The following RABGAP1L variants were observed in gnomAD, a reference collection of about 807,000 sequenced individuals.
The protein encoded by RABGAP1L is RAB GTPase activating protein 1 like.
A neutral mutation model predicts 137.7 loss-of-function variants in RABGAP1L; 63 were observed. The ratio of observed to expected loss-of-function variants is 0.46; its 90% CI spans 0.37 to 0.56. The LOEUF (loss-of-function observed/expected upper bound fraction) is 0.56. Among genes scored for constraint, RABGAP1L ranks in the 20% least tolerant of loss-of-function variants. RABGAP1L has a pLI of 0.00. For missense variants in RABGAP1L, 1,095 were observed against 1,244.0 expected (o/e 0.88, Z 1.80); for synonymous variants, 431 against 433.7 (o/e 0.99, Z 0.08).
intron 13 of RABGAP1L, among the ~76,000 whole-genome samples, chr1:174,419,372 A>G (rs1286954664): frequency 6.6e-6 from 1 of 152,224 alleles, no homozygotes; most frequent in East Asian, 1.9e-4. Context: ...CCAAGGGTCT[A>G]GATCATAGAC....
Position 174,830,990 on chromosome 1 carries a change from G to T in RABGAP1L, c.2340+19030G>T, listed in dbSNP as rs1241459914. Among the ~76,000 whole-genome samples the T allele has an allele frequency of 1.4e-5, 2 of 147,644 alleles. 1 individual carries two copies. The highest frequency in any genetic ancestry group is 4.2e-4 in the East Asian group (2 of 4,764). On this transcript the variant is annotated intron_variant, in intron 19 of 25. Transcript: ENST00000681986. ...GGTGGGTTTCCAGAGTTCGGAGGAG[G>T]CTCAGAATTGTTTCAGTTGTCTACC...
chr1:174,371,540 A>G (rs1571461037), intron 12 of RABGAP1L, among the ~76,000 whole-genome samples: 3 of 152,106 alleles, frequency 2.0e-5, no homozygotes, highest in Admixed American at 1.3e-4. Flanking sequence ...TAAAAGTATT[A>G]CTTTAAATTT....
intron 13 of RABGAP1L, among the ~76,000 whole-genome samples, chr1:174,518,175 C>T (rs927052045): frequency 2.0e-5 from 3 of 152,178 alleles, no homozygotes; most frequent in African/African-American, 7.2e-5. Context: ...TTTAAGTTGT[C>T]TGGGACAAGG....
intron 7 of RABGAP1L, among the ~76,000 whole-genome samples, chr1:174,260,164 G>A (rs1040273289): frequency 6.6e-6 from 1 of 152,030 alleles, no homozygotes; most frequent in Admixed American, 6.6e-5. Flanking sequence ...ATGAAACAGA[G>A]GTTTAATCAG....
chr1:174,509,417 C>G (rs12090963), intron 13 of RABGAP1L, among the ~76,000 whole-genome samples: 21 of 151,976 alleles, frequency 1.4e-4, no homozygotes, highest in African/African-American at 4.3e-4. Flanking sequence ...TTCTTTCTTC[C>G]TTCTTCCTCA....
At chr1:174,471,046 A>C (rs1273523209) in intron 13 of RABGAP1L, among the ~76,000 whole-genome samples, 9 of 151,158 alleles carry the variant, frequency 6.0e-5, no homozygotes, top group Admixed American at 5.3e-4. Context: ...GGAAAAAAAA[A>C]CACACTTTGA....
At chr1:174,199,350 G>A (rs1445751446) in intron 1 of RABGAP1L, among the ~76,000 whole-genome samples, 1 of 151,960 alleles carries the variant, frequency 6.6e-6, no homozygotes, top group Admixed American at 6.5e-5. Context: ...GAAGTGCAGT[G>A]GTGTGGTCTT....
intron 3 of RABGAP1L, among the ~76,000 whole-genome samples, chr1:174,224,519 T>C (rs1206709190): frequency 1.3e-5 from 2 of 152,178 alleles, no homozygotes; most frequent in African/African-American, 4.8e-5. Flanking sequence ...GTTATCTATT[T>C]CTTCTTGAGT....
intron 10 of RABGAP1L, among the ~76,000 whole-genome samples, chr1:174,288,875 A>G (rs1022699181): frequency 1.3e-5 from 2 of 152,076 alleles, no homozygotes; most frequent in Non-Finnish European, 2.9e-5. Context: ...GGTATCCTGT[A>G]GACTTTCTTC....
chr1:174,784,938 A>G (rs769017772), intron 18 of RABGAP1L, among the ~76,000 whole-genome samples: 4 of 152,234 alleles, frequency 2.6e-5, no homozygotes, highest in Non-Finnish European at 2.9e-5. Flanking sequence ...AAGATGGCAT[A>G]TTTTAAATAG....
At chr1:174,307,548 C>G (rs58163532) in intron 11 of RABGAP1L, among the ~76,000 whole-genome samples, 1 of 152,158 alleles carries the variant, frequency 6.6e-6, no homozygotes, top group African/African-American at 2.4e-5. Flanking sequence ...TAAATGGAAT[C>G]ATACAAAATG....
Position 174,305,114 on chromosome 1 carries a change from T to A in RABGAP1L, c.1452T>A (p.Asp484Glu). 2.0e-6 allele frequency: 3 copies of A among 1,535,658 alleles called. No homozygotes were observed. Among genetic ancestry groups the A allele is most frequent in the East Asian group, 5.1e-5 (2 of 38,966 alleles). Residue 484 changes from aspartate (D) to glutamate (E), a missense_variant, in exon 11 of 26, where the codon GAT (aspartate) becomes GAA (glutamate). Physicochemically the swap from Asp to Glu is conservative, Grantham distance 45. Coordinates refer to ENST00000681986, the MANE Select transcript of RABGAP1L (RefSeq NM_001366446.1). ...GGGGTCCAATGTCACCCCAGGATGA[T>A]GAAGCAGAAGAGGGTAAGAAGTTGG... ...SGGGPMSPQD[D>E]EAEEESDNEL... is the part of the protein sequence containing the mutation.
chr1:174,348,742 A>G (rs1353568295), intron 11 of RABGAP1L, among the ~76,000 whole-genome samples: 9 of 149,404 alleles, frequency 6.0e-5, no homozygotes, highest in Admixed American at 2.7e-4. Flanking sequence ...CTGAGTGGAC[A>G]CAGCACATGT....
At chr1:174,881,492 C>CT (rs751296977) in intron 19 of RABGAP1L, among the ~76,000 whole-genome samples, 17,845 of 85,648 alleles carry the variant, frequency 0.21, 3,217 homozygotes, top group African/African-American at 0.48. Context: ...ATATCATTTG[C>CT]TTTTTTTTTT....
At chr1:174,861,356 A>G (rs1483095998) in intron 19 of RABGAP1L, among the ~76,000 whole-genome samples, 1 of 152,120 alleles carries the variant, frequency 6.6e-6, no homozygotes, top group African/African-American at 2.4e-5. Context: ...CCATTCATCC[A>G]TCAACAGATG....
chr1:174,628,308 A>G (rs897680446), intron 13 of RABGAP1L, among the ~76,000 whole-genome samples: 1 of 152,238 alleles, frequency 6.6e-6, no homozygotes, highest in African/African-American at 2.4e-5. Context: ...AATTGGTTTC[A>G]TAATCATAAT....
At chr1:174,748,071 G>A (rs559320190) in intron 17 of RABGAP1L, among the ~76,000 whole-genome samples, 4 of 152,196 alleles carry the variant, frequency 2.6e-5, no homozygotes, top group Admixed American at 6.5e-5. Flanking sequence ...GTTTAGCAAA[G>A]TTTCCTCTTG....
intron 13 of RABGAP1L, among the ~76,000 whole-genome samples, chr1:174,624,807 C>T (rs748669124): frequency 4.0e-5 from 6 of 151,828 alleles, no homozygotes; most frequent in Non-Finnish European, 5.9e-5. Flanking sequence ...TAAATAATCT[C>T]ACTCAGAGAG....
chr1:174,566,540 T>TA (rs1490456311), intron 13 of RABGAP1L, among the ~76,000 whole-genome samples: 4 of 152,184 alleles, frequency 2.6e-5, no homozygotes, highest in African/African-American at 9.7e-5. Context: ...AGTGTATACT[T>TA]ACAGAGTGAC....
Sources: gnomAD v4.1 joint callset for allele counts (sites outside exome capture counted in the v4.1 genomes callset) on GRCh38, gnomAD v4.1.1 for gene constraint, MANE v1.5 for transcripts, NCBI Gene and HGNC (gene_info 2026-07-23, HGNC 2026-07-21) for gene names.